The following FAT4 variants were observed in gnomAD, a reference collection of about 807,000 sequenced individuals.
FAT4 encodes FAT atypical cadherin 4, also known as protocadherin Fat 4.
A neutral mutation model predicts 303.9 loss-of-function variants in FAT4; 84 were observed. That is an observed-to-expected ratio of 0.28 (90% CI 0.23 to 0.33). The LOEUF is 0.33. Among genes scored for constraint, FAT4 ranks in the 10% least tolerant of loss-of-function variants. The probability of loss-of-function intolerance (pLI) is 1.00; values close to 1 mark genes in which losing one functional copy is unlikely to be tolerated. For missense variants in FAT4, 6,005 were observed against 6,146.8 expected (o/e 0.98, Z 0.77); for synonymous variants, 2,307 against 2,298.8 (o/e 1.00, Z -0.10).
At position 125,318,330 on chromosome 4, in the gene FAT4, G is replaced by T; in HGVS notation, c.1919G>T (p.Arg640Met). ...TTCCGTCTGGATCCTGTGTCTGGGA[G>T]GTTGAGTACTATTTCCTCCTTGGAC... Reference protein sequence around the residue: ...RSFRLDPVSGRLSTISSLDRE... With the variant: ...RSFRLDPVSGMLSTISSLDRE... Residue 640 changes from arginine (R) to methionine (M), a missense_variant, in exon 2 of 18, where the codon AGG becomes ATG. Coordinates refer to ENST00000394329, the MANE Select transcript of FAT4 (RefSeq NM_001291303.3). 6.2e-7 allele frequency: 1 copy of T among 1,614,192 alleles called. No homozygotes were observed.
intron 8 of FAT4, among the ~76,000 whole-genome samples, chr4:125,443,410 C>T (rs9968420): frequency 0.84 from 128,211 of 152,144 alleles, 54,239 homozygotes; most frequent in Non-Finnish European, 0.88. Flanking sequence ...CACTACATTC[C>T]CTCAGTTGAG....
Position 125,321,296 on chromosome 4 carries a change from T to A in FAT4, c.4885T>A (p.Phe1629Ile), listed in dbSNP as rs1730932601. ...TCTTCAGGGCCTTGATGGACCTGTT[T>A]TTACTCAACCCAAATATATAACTAT... ...IILQGLDGPV[F>I]TQPKYITILK... is the part of the protein sequence containing the mutation. The change falls in exon 2 of 18, where the codon TTT becomes ATT. Residue 1629 changes from phenylalanine (F) to isoleucine (I), a missense_variant. Physicochemically the swap from Phe to Ile is conservative, Grantham distance 21. Coordinates refer to ENST00000394329, the MANE Select transcript of FAT4 (RefSeq NM_001291303.3). 1 of 1,614,100 alleles carries A rather than the reference T, an allele frequency of 6.2e-7. No homozygotes were observed. Among genetic ancestry groups the A allele is most frequent in the Non-Finnish European group, 8.5e-7 (1 of 1,179,992 alleles).
At chr4:125,413,477 C>T (rs1242860284) in intron 5 of FAT4, among the ~76,000 whole-genome samples, 1 of 151,894 alleles carries the variant, frequency 6.6e-6, no homozygotes, top group African/African-American at 2.4e-5. Context: ...CAACGATTTA[C>T]TCAATCATTG....
intron 8 of FAT4, among the ~76,000 whole-genome samples, chr4:125,436,861 T>C (rs2126046284): frequency 6.6e-6 from 1 of 152,250 alleles, no homozygotes; most frequent in South Asian, 2.1e-4. Flanking sequence ...TATTTATCTA[T>C]GTATTTTTTT....
At chr4:125,463,458 C>T (rs1578674659) in intron 10 of FAT4, 105 bp from the exon 11 acceptor site, 1 of 524,352 alleles carries the variant, frequency 1.9e-6, no homozygotes, top group Admixed American at 3.9e-5. Context: ...TATTTCTTTT[C>T]TCCGTGATAT....
chr4:125,446,745 G>A (rs975046902), intron 9 of FAT4, among the ~76,000 whole-genome samples: 25 of 151,928 alleles, frequency 1.6e-4, no homozygotes, highest in Admixed American at 1.2e-3. Flanking sequence ...TAGACTAATT[G>A]TGTATAATGT....
At chr4:125,414,147 G>C (rs1238610579) in intron 5 of FAT4, among the ~76,000 whole-genome samples, 1 of 151,930 alleles carries the variant, frequency 6.6e-6, no homozygotes, top group Non-Finnish European at 1.5e-5. Context: ...TGATGTATAT[G>C]CTCCACATCA....
intron 16 of FAT4, 29 bp from the exon 17 acceptor site, chr4:125,487,316 T>A: frequency 6.3e-7 from 1 of 1,577,342 alleles, no homozygotes; most frequent in South Asian, 1.2e-5. Flanking sequence ...CATATTTTAA[T>A]TGCATACTAT....
At position 125,320,145 on chromosome 4, in the gene FAT4, T is replaced by C. The variant is rs1406476548; in HGVS notation, c.3734T>C (p.Ile1245Thr). The change falls in exon 2 of 18, where the codon ATT becomes ACT. Residue 1245 changes from isoleucine to threonine, a missense_variant. Ile to Thr is a moderately conservative substitution (Grantham distance 89). Coordinates refer to ENST00000394329, the MANE Select transcript of FAT4 (RefSeq NM_001291303.3). ...GTTGATGAAGGTAATAATGGACTTA[T>C]TCACTATTCTATAATAAAAGGAAAT... The part of the protein sequence containing the change: ...SDVDEGNNGL[I>T]HYSIIKGNEE... The C allele has an allele frequency of 6.2e-7, 1 of 1,614,064 alleles. No homozygotes were observed. The highest frequency in any genetic ancestry group is 1.1e-5 in the South Asian group (1 of 91,084).
At chr4:125,383,342 ATTG>A (rs567184813) in intron 2 of FAT4, among the ~76,000 whole-genome samples, 76 of 152,174 alleles carry the variant, frequency 5.0e-4, no homozygotes, top group African/African-American at 1.8e-3. Flanking sequence ...TTGTTTCCAT[ATTG>A]TTGTTCTCAG....
chr4:125,479,930 C>A, intron 15 of FAT4, 65 bp downstream of exon 15: 3 of 1,249,398 alleles, frequency 2.4e-6, no homozygotes, highest in South Asian at 2.4e-5. Flanking sequence ...ATATATGCAC[C>A]CAAGTATGTA....
rs1726096390 is a variant in FAT4 at position 125,451,955 on chromosome 4, T to G, written c.10945T>G (p.Phe3649Val). 6.2e-7 allele frequency: 1 copy of G among 1,614,180 alleles called. No individual in the cohort carries two copies. The highest frequency in any genetic ancestry group is 8.5e-7 in the Non-Finnish European group (1 of 1,180,032). The change falls in exon 10 of 18, where the codon TTC (phenylalanine) becomes GTC (valine). Residue 3649 changes from phenylalanine to valine, a missense_variant. Physicochemically the swap from Phe to Val is conservative, Grantham distance 50 (BLOSUM62 -1). Transcript: ENST00000394329. ...KPQDPDVLDS[F>V]HCSLTSGVTS... ...ACAGGATCCAGATGTGTTAGACAGC[T>G]TCCACTGCTCCCTTACTTCAGGAGT...
At chr4:125,332,391 CATAATTTAGTAATAGTT>C (rs1731418600) in intron 2 of FAT4, among the ~76,000 whole-genome samples, 1 of 151,968 alleles carries the variant, frequency 6.6e-6, no homozygotes, top group Non-Finnish European at 1.5e-5. Context: ...TTGTTGTTGA[CATAATTTAGTAATAGTT>C]ATAACCCCTT....
intron 2 of FAT4, among the ~76,000 whole-genome samples, chr4:125,356,537 G>GTTTTT (rs1432744389): frequency 2.5e-5 from 3 of 118,726 alleles, no homozygotes; most frequent in African/African-American, 9.4e-5. Flanking sequence ...GATATAGGGT[G>GTTTTT]TTTTGTTTTT....
At chr4:125,364,449 T>C (rs1732789629) in intron 2 of FAT4, among the ~76,000 whole-genome samples, 1 of 152,030 alleles carries the variant, frequency 6.6e-6, no homozygotes, top group South Asian at 2.1e-4. Flanking sequence ...TTTTAATAAA[T>C]TATGATAAGC....
rs1426820164 is a variant in FAT4, at chr4:125,316,676, G to A, written c.265G>A (p.Ala89Thr). The A allele has an allele frequency of 1.2e-6, 2 of 1,613,434 alleles. No homozygotes were observed. Among genetic ancestry groups the A allele is most frequent in the Non-Finnish European group, 1.7e-6 (2 of 1,180,016 alleles). Residue 89 changes from alanine (A) to threonine (T), a missense_variant, in exon 2 of 18, where the codon GCC (alanine) becomes ACC (threonine). By Grantham distance (58) the Ala-to-Thr change is moderately conservative (BLOSUM62 0). Transcript: ENST00000394329. This position sits in a 1 kb window ranked among gnomAD's most constrained non-coding sequence, Gnocchi z 5.7. ...GTTTGCCATAAACAGTAGCACCGGA[G>A]CCCTGTACACCACCTCCACCATCGA... Reference protein sequence around the residue: ...ALFAINSSTGALYTTSTIDRE... With the variant: ...ALFAINSSTGTLYTTSTIDRE...
rs781260706 is a variant in FAT4, at chr4:125,491,287, C to T, written c.14471C>T (p.Pro4824Leu). Residue 4824 changes from proline (P) to leucine (L), a missense_variant, in exon 18 of 18, where the codon CCA (proline) becomes CTA (leucine). By Grantham distance (98) the Pro-to-Leu change is moderately conservative. Coordinates refer to ENST00000394329, the MANE Select transcript of FAT4 (RefSeq NM_001291303.3). ...RSSSEEDCRR[P>L]LSRTRNPADG... ...TCTTCAGAGGAGGACTGCAGAAGGC[C>T]ACTGTCTAGAACAAGGAATCCAGCG... 3.7e-6 allele frequency: 6 copies of T among 1,613,984 alleles called. No homozygotes were observed. In the African/African-American group the frequency reaches 8.0e-5, roughly 22 times the overall value.
intron 10 of FAT4, among the ~76,000 whole-genome samples, chr4:125,457,824 A>G (rs1726337390): frequency 6.6e-6 from 1 of 152,084 alleles, no homozygotes; most frequent in Admixed American, 6.6e-5. Context: ...ACATAAGTCT[A>G]GGGGTTCCTA....
intron 2 of FAT4, among the ~76,000 whole-genome samples, chr4:125,333,415 G>A (rs1052646497): frequency 6.6e-5 from 10 of 152,112 alleles, no homozygotes; most frequent in Admixed American, 3.3e-4. Flanking sequence ...TTAATGTGAC[G>A]TCTTTTCGTG....
Sources: gnomAD v4.1 joint callset for allele counts (sites outside exome capture counted in the v4.1 genomes callset) on GRCh38, gnomAD v4.1.1 for gene constraint, Gnocchi (gnomAD v3.1) non-coding constraint, MANE v1.5 for transcripts, NCBI Gene and HGNC (gene_info 2026-07-23, HGNC 2026-07-21) for gene names.